Variants in NFIL3 observed in about 807,000 individuals in gnomAD.
The protein encoded by NFIL3 is nuclear factor, interleukin 3 regulated.
Under a neutral mutation model 10.0 loss-of-function variants are expected in NFIL3, and 5 were observed. The observed-to-expected ratio is 0.50, with a 90% CI of 0.26 to 1.06. NFIL3 has a LOEUF of 1.06. Ranked by LOEUF, NFIL3 falls within the 50% of genes least tolerant of loss-of-function variation. NFIL3 has a pLI of 0.13. For synonymous variants in NFIL3, 202 were observed against 206.5 expected, an observed-to-expected ratio of 0.98 and a Z score of 0.19; for missense variants, 436 against 547.6, an observed-to-expected ratio of 0.80 and a Z score of 2.03.
At chr9:91,476,193 C>T in the NFIL3 span, among the ~76,000 whole-genome samples, 1 of 152,188 alleles carries the variant, frequency 6.6e-6, no homozygotes, top group Non-Finnish European at 1.5e-5. Flanking sequence ...CCAGATACCA[C>T]ACAAAGAAAC....
the NFIL3 span, among the ~76,000 whole-genome samples, chr9:91,475,191 G>A: frequency 2.0e-5 from 3 of 152,136 alleles, no homozygotes; most frequent in Non-Finnish European, 4.4e-5. Context: ...ACCATTTCAT[G>A]TACTCATAAC....
the NFIL3 span, among the ~76,000 whole-genome samples, chr9:91,449,929 A>G: frequency 1.3e-5 from 2 of 152,068 alleles, no homozygotes; most frequent in Non-Finnish European, 2.9e-5. Flanking sequence ...AAGTCAGTTT[A>G]GGTAATTTGT....
rs1252457676 is a variant in NFIL3, at chr9:91,410,090, G to T, written c.645C>A (p.Phe215Leu). The T allele has an allele frequency of 1.2e-6, 2 of 1,613,748 alleles. No individual in the cohort carries two copies. The highest frequency in any genetic ancestry group is 8.5e-7 in the Non-Finnish European group (1 of 1,180,018). Residue 215 changes from phenylalanine (F) to leucine (L), a missense_variant, in exon 2 of 2, where the codon TTC becomes TTA. This residue lies in a region of NFIL3 where 338 missense variants were observed against 399.9 expected (regional missense o/e 0.85). Transcript: ENST00000297689. This position sits in a 1 kb window ranked among gnomAD's most constrained non-coding sequence, Gnocchi z 5.7. ...CCATCGGCTCTTGCTTGATAATCTGGAACTTGTTTTCAGGACTTCTGCAGC... is the reference window on the plus strand; with the variant it reads ...CCATCGGCTCTTGCTTGATAATCTGTAACTTGTTTTCAGGACTTCTGCAGC... The part of the protein sequence containing the change: ...QGSCRSPENK[F>L]QIIKQEPMEL...
At chr9:91,475,125 T>C in the NFIL3 span, among the ~76,000 whole-genome samples, 1 of 152,218 alleles carries the variant, frequency 6.6e-6, no homozygotes, top group East Asian at 1.9e-4. Flanking sequence ...TTCTTGAGCA[T>C]TCATTGTTAT....
At chr9:91,479,071 G>C in the NFIL3 span, among the ~76,000 whole-genome samples, 1 of 152,290 alleles carries the variant, frequency 6.6e-6, no homozygotes, top group Middle Eastern at 3.4e-3. Flanking sequence ...CCTGTATGAG[G>C]TGTCCGTCAA....
upstream of NFIL3, chr9:91,426,389 C>T (rs1441150520): frequency 1.3e-5 from 2 of 152,140 alleles, no homozygotes; most frequent in Admixed American, 6.5e-5. Context: ...AGAACATTCA[C>T]AGAGTAGGTA....
chr9:91,462,825 TG>T, the NFIL3 span, among the ~76,000 whole-genome samples: 1 of 102,552 alleles, frequency 9.8e-6, no homozygotes, highest in South Asian at 3.8e-4. Context: ...ATGTTTTTTT[TG>T]GGGGTGGGGG....
chr9:91,434,236 C>T, the NFIL3 span, among the ~76,000 whole-genome samples: 48 of 152,252 alleles, frequency 3.2e-4, no homozygotes, highest in African/African-American at 1.1e-3. Flanking sequence ...ACAACACAGG[C>T]TCTCATGAGT....
chr9:91,450,767 T>C, the NFIL3 span, among the ~76,000 whole-genome samples: 1 of 152,200 alleles, frequency 6.6e-6, no homozygotes. Context: ...ATAGATCTTA[T>C]GGTTAAATGT....
At chr9:91,423,037 G>A (rs1324949623) in intron 1 of NFIL3, among the ~76,000 whole-genome samples, 1 of 152,122 alleles carries the variant, frequency 6.6e-6, no homozygotes, top group Non-Finnish European at 1.5e-5. Flanking sequence ...ACCTTCCCGA[G>A]GGCTTGTAAA....
At chr9:91,474,824 C>G in the NFIL3 span, among the ~76,000 whole-genome samples, 1 of 152,194 alleles carries the variant, frequency 6.6e-6, no homozygotes, top group Non-Finnish European at 1.5e-5. Context: ...AATAGGGAAA[C>G]AAACCAGTGT....
chr9:91,466,707 C>T, the NFIL3 span, among the ~76,000 whole-genome samples: 4,330 of 152,202 alleles, frequency 0.028, 87 homozygotes, highest in East Asian at 0.064. Flanking sequence ...AGTTCTATCA[C>T]ATTAGGCAGA....
At chr9:91,464,154 T>C in the NFIL3 span, among the ~76,000 whole-genome samples, 1 of 152,110 alleles carries the variant, frequency 6.6e-6, no homozygotes. Context: ...TCATTATTGG[T>C]ATAGTTGGTT....
the NFIL3 span, among the ~76,000 whole-genome samples, chr9:91,452,278 T>C: frequency 6.6e-6 from 1 of 152,232 alleles, no homozygotes; most frequent in African/African-American, 2.4e-5. Flanking sequence ...CCACAACACC[T>C]GTCATCATAG....
At chr9:91,461,203 A>G in the NFIL3 span, among the ~76,000 whole-genome samples, 2 of 152,202 alleles carry the variant, frequency 1.3e-5, no homozygotes, top group Non-Finnish European at 2.9e-5. Context: ...TATCTTGTCA[A>G]TTCCACAGTT....
intron 1 of NFIL3, among the ~76,000 whole-genome samples, chr9:91,411,699 T>C (rs1327156065): frequency 1.3e-5 from 2 of 152,218 alleles, no homozygotes. Context: ...TTCCTTTGAA[T>C]TTGTTCTATC....
the NFIL3 span, among the ~76,000 whole-genome samples, chr9:91,482,871 T>C: frequency 6.6e-6 from 1 of 152,126 alleles, no homozygotes; most frequent in Non-Finnish European, 1.5e-5. Context: ...CTTCTGCACA[T>C]GTATATAGGT....
chr9:91,477,517 A>T, the NFIL3 span, among the ~76,000 whole-genome samples: 1 of 152,218 alleles, frequency 6.6e-6, no homozygotes, highest in Non-Finnish European at 1.5e-5. Context: ...CATAAGCCCC[A>T]TCTTAGAATT....
At chr9:91,476,097 A>C in the NFIL3 span, among the ~76,000 whole-genome samples, 28 of 152,228 alleles carry the variant, frequency 1.8e-4, no homozygotes, top group Non-Finnish European at 2.6e-4. Flanking sequence ...TTTAAAGCAC[A>C]GTTAATTTCC....
Sources: gnomAD v4.1 joint callset for allele counts (sites outside exome capture counted in the v4.1 genomes callset) on GRCh38, gnomAD v4.1.1 for gene constraint, gnomAD v4.1.1 regional missense constraint, Gnocchi (gnomAD v3.1) non-coding constraint, MANE v1.5 for transcripts, NCBI Gene and HGNC (gene_info 2026-07-23, HGNC 2026-07-21) for gene names.